ENOX1: variants seen among roughly 807,000 people sequenced by gnomAD.
ENOX1 encodes ecto-NOX disulfide-thiol exchanger 1, also known as candidate growth-related and time keeping constitutive hydroquinone (NADH) oxidase.
ENOX1 carries 42 observed loss-of-function variants against 82.5 expected under a neutral mutation model. That is an observed-to-expected ratio of 0.51 (90% CI 0.40 to 0.66). The LOEUF (loss-of-function observed/expected upper bound fraction) is 0.66, where lower values mean the gene tolerates loss of function less well. Among genes scored for constraint, ENOX1 ranks in the 30% least tolerant of loss-of-function variants. The pLI, the probability that ENOX1 is intolerant of heterozygous loss-of-function variation, is 0.00. For synonymous variants in ENOX1, 271 were observed against 282.2 expected, an observed-to-expected ratio of 0.96 and a Z score of 0.40; for missense variants, 608 against 811.6, an observed-to-expected ratio of 0.75 and a Z score of 3.05.
chr13:43,730,839 C>G (rs921331908), intron 1 of ENOX1, among the ~76,000 whole-genome samples: 11 of 152,188 alleles, frequency 7.2e-5, no homozygotes, highest in Non-Finnish European at 1.3e-4. Flanking sequence ...CATCCTCACC[C>G]TCATTCCGCA....
chr13:43,451,503 G>C (rs949137565), intron 3 of ENOX1, among the ~76,000 whole-genome samples: 2 of 152,164 alleles, frequency 1.3e-5, no homozygotes, highest in African/African-American at 4.8e-5. Context: ...CTTATGGAAA[G>C]AAGAGAAATC....
intron 1 of ENOX1, among the ~76,000 whole-genome samples, chr13:43,685,705 C>T (rs1294508395): frequency 1.3e-5 from 2 of 151,984 alleles, no homozygotes; most frequent in Non-Finnish European, 2.9e-5. Flanking sequence ...TCCTTCTGGA[C>T]TTTTAGATGA....
intron 3 of ENOX1, among the ~76,000 whole-genome samples, chr13:43,434,947 T>G (rs1475673162): frequency 1.4e-4 from 20 of 146,250 alleles, no homozygotes; most frequent in African/African-American, 4.3e-4. Context: ...GTTTTTTTTT[T>G]TTTTTTTTTT....
chr13:43,493,620 A>C (rs1349372820), intron 2 of ENOX1, among the ~76,000 whole-genome samples: 1 of 152,146 alleles, frequency 6.6e-6, no homozygotes, highest in Admixed American at 6.5e-5. Flanking sequence ...GATCTTCCCC[A>C]TTCAGTCCAC....
At chr13:43,691,630 C>T (rs1370424230) in intron 1 of ENOX1, among the ~76,000 whole-genome samples, 7 of 152,022 alleles carry the variant, frequency 4.6e-5, no homozygotes, top group Admixed American at 6.6e-5. Context: ...ATCACCCCAC[C>T]CTCCCTTGGT....
intron 14 of ENOX1, among the ~76,000 whole-genome samples, chr13:43,244,662 C>A (rs1283818827): frequency 1.3e-5 from 2 of 152,180 alleles, no homozygotes; most frequent in Non-Finnish European, 2.9e-5. Flanking sequence ...GAAACCACCG[C>A]CATGTGACTT....
intron 2 of ENOX1, among the ~76,000 whole-genome samples, chr13:43,596,106 C>A (rs533795374): frequency 1.4e-4 from 21 of 152,276 alleles, no homozygotes; most frequent in African/African-American, 4.1e-4. Context: ...AATCTCTGAG[C>A]TTTAAAAAGA....
intron 8 of ENOX1, among the ~76,000 whole-genome samples, chr13:43,354,839 C>T (rs1228585920): frequency 6.6e-6 from 1 of 152,162 alleles, no homozygotes; most frequent in Non-Finnish European, 1.5e-5. Flanking sequence ...AACTAGAATG[C>T]CTTTATGCCT....
chr13:43,351,082 G>A (rs551323060), intron 8 of ENOX1, among the ~76,000 whole-genome samples: 5 of 152,312 alleles, frequency 3.3e-5, no homozygotes, highest in Admixed American at 3.3e-4. Flanking sequence ...TGCTCACAGT[G>A]TACAGTCACA....
chr13:43,733,377 G>A (rs1467532154), intron 1 of ENOX1, among the ~76,000 whole-genome samples: 3 of 152,118 alleles, frequency 2.0e-5, no homozygotes, highest in Non-Finnish European at 2.9e-5. Context: ...AACACCATCA[G>A]TTCAGTTATT....
chr13:43,609,944 T>C (rs1020372508), intron 2 of ENOX1: 4 of 978,272 alleles, frequency 4.1e-6, no homozygotes, highest in Non-Finnish European at 4.9e-6. Context: ...GATAAATTAA[T>C]CTTTGGTTCC....
At chr13:43,746,768 A>T (rs1414648060) in intron 1 of ENOX1, among the ~76,000 whole-genome samples, 1 of 152,210 alleles carries the variant, frequency 6.6e-6, no homozygotes, top group African/African-American at 2.4e-5. Flanking sequence ...GAAAGTACAC[A>T]GAATTTATGA....
chr13:43,604,325 T>G (rs2081883223), intron 2 of ENOX1, among the ~76,000 whole-genome samples: 1 of 152,052 alleles, frequency 6.6e-6, no homozygotes, highest in African/African-American at 2.4e-5. Flanking sequence ...TTTCTCCCAT[T>G]TTGTGGGTTG....
intron 1 of ENOX1, among the ~76,000 whole-genome samples, chr13:43,717,744 C>G (rs557665118): frequency 1.8e-4 from 28 of 152,246 alleles, no homozygotes; most frequent in African/African-American, 6.7e-4. Flanking sequence ...GGAACAGACA[C>G]TTCTCAAAAT....
At chr13:43,591,272 G>C (rs1348273825) in intron 2 of ENOX1, among the ~76,000 whole-genome samples, 3 of 152,166 alleles carry the variant, frequency 2.0e-5, no homozygotes, top group Admixed American at 6.5e-5. Flanking sequence ...AAAAACTTCT[G>C]AATAGTCATA....
At chr13:43,603,102 C>G (rs1169840564) in intron 2 of ENOX1, among the ~76,000 whole-genome samples, 1 of 151,930 alleles carries the variant, frequency 6.6e-6, no homozygotes, top group African/African-American at 2.4e-5. Flanking sequence ...CATCATCTCA[C>G]TATTGTTCAC....
At chr13:43,389,581 T>A (rs1037082780) in intron 5 of ENOX1, among the ~76,000 whole-genome samples, 3 of 152,196 alleles carry the variant, frequency 2.0e-5, no homozygotes, top group African/African-American at 7.2e-5. Flanking sequence ...TTATTTCCTT[T>A]TTTAAAAATG....
At chr13:43,747,739 G>C (rs1394267107) in intron 1 of ENOX1, among the ~76,000 whole-genome samples, 1 of 152,126 alleles carries the variant, frequency 6.6e-6, no homozygotes, top group Non-Finnish European at 1.5e-5. Context: ...CCTCAAATTG[G>C]ATACCTTTTT....
chr13:43,631,351 AG>A (rs1218212356), intron 2 of ENOX1, among the ~76,000 whole-genome samples: 1 of 152,228 alleles, frequency 6.6e-6, no homozygotes, highest in Non-Finnish European at 1.5e-5. Context: ...AAGAGATTGC[AG>A]ATTCTGCACC....
Sources: allele counts gnomAD v4.1 joint callset (sites outside exome capture counted in the v4.1 genomes callset), GRCh38; gene constraint gnomAD v4.1.1; transcripts MANE v1.5; gene names NCBI Gene and HGNC (gene_info 2026-07-23, HGNC 2026-07-21).